The following SLC46A1 variants were observed in gnomAD, a reference collection of about 807,000 sequenced individuals.
SLC46A1 encodes solute carrier family 46 member 1, also known as proton-coupled folate transporter.
Under a neutral mutation model 32.1 loss-of-function variants are expected in SLC46A1, and 17 were observed. The observed-to-expected ratio is 0.53, with a 90% CI of 0.36 to 0.79. The LOEUF is 0.79. SLC46A1 is among the 30% of genes least tolerant of loss of function. SLC46A1 has a pLI of 0.00. For synonymous variants in SLC46A1, 240 were observed against 262.7 expected (o/e 0.91, Z 0.84); for missense variants, 517 against 588.2 (o/e 0.88, Z 1.25).
In SLC46A1 at chr17:28,405,234, C is replaced by T. The variant is rs1555590836; in HGVS notation, c.463G>A (p.Gly155Ser). The T allele has an allele frequency of 6.3e-7, 1 of 1,591,358 alleles. No individual in the cohort carries two copies. Among genetic ancestry groups the T allele is most frequent in the Admixed American group, 1.8e-5 (1 of 55,452 alleles). ...GCAGCCAGAAGGCCACCGAAGTCGCCGAGGAGGGCACAAAGGATGCGACCC... is the reference window on the plus strand; with the variant it reads ...GCAGCCAGAAGGCCACCGAAGTCGCTGAGGAGGGCACAAAGGATGCGACCC... Reference protein sequence around the residue: ...VLGRILCALLGDFGGLLAASF... With the variant: ...VLGRILCALLSDFGGLLAASF... The change falls in exon 2 of 5, where the codon GGC (glycine) becomes AGC (serine). Residue 155 changes from glycine (G) to serine (S), a missense_variant. Transcript: ENST00000612814.
rs1555591294 is a variant in SLC46A1, at chr17:28,405,928, T to A, written c.187A>T (p.Arg63Trp). ...GCGCTGCGGTTGCTGCAGCCCCCCC[T>A]TTGGCGGGTGCCATTGTAGCCGAGG... ...ADLGYNGTRQRGGCSNRSADP... is the reference protein window; with the variant it reads ...ADLGYNGTRQWGGCSNRSADP... Residue 63 changes from arginine to tryptophan, a missense_variant, in exon 1 of 5, where the codon AGG (arginine) becomes TGG (tryptophan). Transcript: ENST00000612814. 6.2e-7 allele frequency: 1 copy of A among 1,609,566 alleles called. No individual in the cohort carries two copies. The highest frequency in any genetic ancestry group is 1.7e-5 in the Admixed American group (1 of 59,708).
chr17:28,395,828 C>A lies in SLC46A1; in HGVS notation c.*3828G>T. ...CTGGGCCCAGCCTCGGGCCAGTGGG[C>A]CTCCCAGCACCTGCCTGGCTACAAG... On this transcript the variant is annotated 3_prime_UTR_variant, in exon 5 of 5. Transcript: ENST00000612814. 1.3e-6 allele frequency: 2 copies of A among 1,574,690 alleles called. No homozygotes were observed. Among genetic ancestry groups the A allele is most frequent in the Non-Finnish European group, 8.7e-7 (1 of 1,155,070 alleles).
rs992443072 is a variant in SLC46A1 at position 28,402,181 on chromosome 17, C to T, written c.1165+57G>A. On this transcript the variant is annotated intron_variant, in intron 3 of 4. Coordinates refer to ENST00000612814, the MANE Select transcript of SLC46A1 (RefSeq NM_080669.6). ...CCCCCAGCCATGGCTGCCCATCAGC[C>T]CGTTTCGGGCAGCACTGGACATGAG... The T allele has an allele frequency of 2.0e-6, 3 of 1,476,918 alleles. No individual in the cohort carries two copies. In the Admixed American group the frequency reaches 5.6e-5, roughly 28 times the overall value. 91.5% of individuals were successfully genotyped at this position (1,476,918 alleles called of 1,614,324 possible).
At chr17:28,402,117 C>T in intron 3 of SLC46A1, 121 bp downstream of exon 3, 1 of 799,322 alleles carries the variant, frequency 1.3e-6, no homozygotes, top group Non-Finnish European at 1.9e-6. Context: ...GTTTTGGCCA[C>T]TTACTTCTCC....
rs909757872 is a variant in SLC46A1, at chr17:28,404,569, T to C, written c.1081+47A>G. Reference sequence around the variant, plus strand: ...CAGTGAGTGGCCGGCCCCCAGTTCTTACCCAGTGCCTCTGGGACAAGCTGT... The same window carrying C: ...CAGTGAGTGGCCGGCCCCCAGTTCTCACCCAGTGCCTCTGGGACAAGCTGT... On this transcript the variant is annotated intron_variant, in intron 2 of 4. Coordinates refer to ENST00000612814, the MANE Select transcript of SLC46A1 (RefSeq NM_080669.6). 4.4e-6 allele frequency: 7 copies of C among 1,606,666 alleles called. No individual in the cohort carries two copies. In the African/African-American group the frequency reaches 8.0e-5, roughly 18 times the overall value.
chr17:28,402,308 A>G lies in SLC46A1; in HGVS notation c.1095T>C (p.Leu365=), dbSNP rs781848598. Residue 365 remains leucine, a synonymous_variant, in exon 3 of 5, where the codon CTT becomes CTC. Transcript: ENST00000612814. ...CAGGTGTGATGACTAATGACAGGAA[A>G]AGCAACCCATATCCTGTGGAGAAAC... The part of the protein sequence containing the change: ...TPLMFTGYGL[L]FLSLVITPVI... The G allele has an allele frequency of 6.2e-7, 1 of 1,613,454 alleles. No homozygotes were observed. Among genetic ancestry groups the G allele is most frequent in the Admixed American group, 1.7e-5 (1 of 59,934 alleles).
intron 2 of SLC46A1, chr17:28,403,456 A>G (rs1555590078): frequency 6.6e-6 from 1 of 152,322 alleles, no homozygotes; most frequent in African/African-American, 2.4e-5. Flanking sequence ...GGATCCTCCA[A>G]AGAAGGTATA....
chr17:28,405,515 A>G lies in SLC46A1; in HGVS notation c.229-47T>C, dbSNP rs576923381. The G allele has an allele frequency of 3.7e-5, 58 of 1,578,566 alleles. 1 individual carries two copies. Among genetic ancestry groups the G allele is most frequent in the Non-Finnish European group, 4.6e-5 (54 of 1,164,964 alleles). On this transcript the variant is annotated intron_variant, in intron 1 of 4. Transcript: ENST00000612814. Reference sequence around the variant, plus strand: ...GGTGCGGTTCCTCACTCTGGGTTCCACAATCCCCAAATCCTCGCCATCCCG... The same window carrying G: ...GGTGCGGTTCCTCACTCTGGGTTCCGCAATCCCCAAATCCTCGCCATCCCG...
At chr17:28,402,135 GA>G (rs1377464551) in intron 3 of SLC46A1, 102 bp downstream of exon 3, 8 of 973,292 alleles carry the variant, frequency 8.2e-6, no homozygotes, top group African/African-American at 6.5e-5. Flanking sequence ...TCCAGGGTGA[GA>G]GGGGGGAAGG....
chr17:28,402,242 C>T lies in SLC46A1; in HGVS notation c.1161G>A (p.Glu387=), dbSNP rs782421155. The T allele has an allele frequency of 1.9e-6, 3 of 1,612,782 alleles. No individual in the cohort carries two copies. The South Asian group carries it at 3.3e-5, about 18-fold the overall frequency. ...AKLSKLVRET[E]QGALFSAVAC... ...CAGGTGGGTTCTGACACTCACCCTG[C>T]TCTGTCTCTCTCACCAGCTTGGAGA... is the stretch of plus-strand genomic sequence containing the variant. The change falls in exon 3 of 5, where the codon GAG becomes GAA. Residue 387 remains glutamate, a synonymous_variant. Transcript: ENST00000612814.
chr17:28,395,738 A>AT lies in SLC46A1; in HGVS notation c.*3917dup. On this transcript the variant is annotated 3_prime_UTR_variant, in exon 5 of 5. Transcript: ENST00000612814. ...AACTCTGGGCAAAGGAAAAATATTT[A>AT]TTTTTTATTACACTACAAGGGTTAA... 1 of 667,914 alleles carries AT rather than the reference A, an allele frequency of 1.5e-6. No homozygotes were observed. Among genetic ancestry groups the AT allele is most frequent in the Non-Finnish European group, 2.5e-6 (1 of 397,002 alleles). 41.4% of individuals were successfully genotyped at this position (667,914 alleles called of 1,614,324 possible). A position where few individuals can be genotyped will look rare whatever the true frequency, so the allele number is the denominator to read the frequency against.
Position 28,404,877 on chromosome 17 carries a change from T to C in SLC46A1, c.820A>G (p.Ile274Val), listed in dbSNP as rs1555590560. 16 of 1,613,956 alleles carry C rather than the reference T, an allele frequency of 9.9e-6. No homozygotes were observed. The highest frequency in any genetic ancestry group is 1.3e-5 in the Non-Finnish European group (15 of 1,179,878). ...AAGTGCACAGTGATCACCACGAAGA[T>C]GGCCAGTGAGTAGAGGGCTAAATGT... ...RKHLALYSLA[I>V]FVVITVHFGA... The change falls in exon 2 of 5, where the codon ATC (isoleucine) becomes GTC (valine). Residue 274 changes from isoleucine (I) to valine (V), a missense_variant. Transcript: ENST00000612814.
Position 28,400,625 on chromosome 17 carries a change from G to T in SLC46A1, c.1307C>A (p.Pro436Gln). ...FLLGAGLLLI[P>Q]AVLIGMLEKA... is the part of the protein sequence containing the mutation. ...CCTGCATTACCCAATCAGAACAGCC[G>T]GGATGAGCAGGAGGCCAGCTCCCAG... The change falls in exon 4 of 5, where the codon CCG becomes CAG. Residue 436 changes from proline to glutamine, a missense_variant. Coordinates refer to ENST00000612814, the MANE Select transcript of SLC46A1 (RefSeq NM_080669.6). 1 of 1,613,696 alleles carries T rather than the reference G, an allele frequency of 6.2e-7. No homozygotes were observed. The highest frequency in any genetic ancestry group is 8.5e-7 in the Non-Finnish European group (1 of 1,179,782).
Position 28,396,028 on chromosome 17 carries a change from T to G in SLC46A1, c.*3628A>C, listed in dbSNP as rs2142443532. ...TGTGCTTACTTTCAACGGTATCAAG[T>G]GAGCCCCAGGGCCCTGGGACCAGGG... On this transcript the variant is annotated 3_prime_UTR_variant, in exon 5 of 5. Transcript: ENST00000612814. The G allele has an allele frequency of 1.2e-6, 2 of 1,613,896 alleles. No homozygotes were observed. Among genetic ancestry groups the G allele is most frequent in the East Asian group, 4.5e-5 (2 of 44,860 alleles).
chr17:28,400,163 G>C, intron 4 of SLC46A1: 1 of 239,040 alleles, frequency 4.2e-6, no homozygotes, highest in Admixed American at 5.1e-5. Flanking sequence ...CCACAGGATC[G>C]GGATTACAGG....
chr17:28,401,635 T>C (rs2068198178), intron 3 of SLC46A1: 1 of 152,234 alleles, frequency 6.6e-6, no homozygotes, highest in Non-Finnish European at 1.5e-5. Context: ...TTCTGTCACA[T>C]CTAGAGGGGT....
rs1555589393 is a variant in SLC46A1, at chr17:28,400,688, G to A, written c.1244C>T (p.Pro415Leu). 19 of 1,612,474 alleles carry A rather than the reference G, an allele frequency of 1.2e-5. No homozygotes were observed. The highest frequency in any genetic ancestry group is 1.6e-5 in the Non-Finnish European group (19 of 1,179,438). ...CCCCTTCATAAAGTTCAGAGTGGCT[G>A]GGTAGAGTGAGTTGAAGATGCCGGA... ...TASGIFNSLY[P>L]ATLNFMKGFP... The change falls in exon 4 of 5, where the codon CCA (proline) becomes CTA (leucine). Residue 415 changes from proline to leucine, a missense_variant. Coordinates refer to ENST00000612814, the MANE Select transcript of SLC46A1 (RefSeq NM_080669.6).
rs1321372047 is a variant in SLC46A1, at chr17:28,398,309, T to C, written c.*1347A>G. Reference sequence around the variant, plus strand: ...CCACTGCCCTGTGTGGCCTTCTGGTTGACCTCTGCCCGATCTTCTGTCTCT... The same window carrying C: ...CCACTGCCCTGTGTGGCCTTCTGGTCGACCTCTGCCCGATCTTCTGTCTCT... On this transcript the variant is annotated 3_prime_UTR_variant, in exon 5 of 5. Transcript: ENST00000612814. 6.6e-6 allele frequency: 1 copy of C among 152,362 alleles called. No individual in the cohort carries two copies. Among genetic ancestry groups the C allele is most frequent in the African/African-American group, 2.4e-5 (1 of 41,442 alleles). The allele number at this position is 152,362 out of a possible 1,614,324, so 9.4% of individuals were successfully genotyped here.
In SLC46A1 at chr17:28,399,540, A is replaced by T; in HGVS notation, c.*116T>A. ...CTTGACTACCTCGTCCAAAGAGAGC[A>T]CTGCCCTTAGACAAGAGTTGCTTGT... is the stretch of plus-strand genomic sequence containing the variant. On this transcript the variant is annotated 3_prime_UTR_variant, in exon 5 of 5. Coordinates refer to ENST00000612814, the MANE Select transcript of SLC46A1 (RefSeq NM_080669.6). The T allele has an allele frequency of 9.7e-7, 1 of 1,035,114 alleles. No homozygotes were observed. The highest frequency in any genetic ancestry group is 1.5e-6 in the Non-Finnish European group (1 of 678,726). The allele number at this position is 1,035,114 out of a possible 1,614,324, so 64.1% of individuals were successfully genotyped here.
Sources: gnomAD v4.1 joint callset for allele counts on GRCh38, gnomAD v4.1.1 for gene constraint, MANE v1.5 for transcripts, NCBI Gene and HGNC (gene_info 2026-07-23, HGNC 2026-07-21) for gene names.